The following BNC2 variants were observed in gnomAD, a reference collection of about 807,000 sequenced individuals.
The protein encoded by BNC2 is zinc finger protein basonuclin-2.
In BNC2, 20 loss-of-function variants were observed where a neutral mutation model predicts 76.3. That is an observed-to-expected ratio of 0.26 (90% CI 0.18 to 0.38). The LOEUF (loss-of-function observed/expected upper bound fraction) is 0.38. BNC2 is among the 10% of genes least tolerant of loss of function. The pLI is 1.00. For synonymous variants in BNC2, 582 were observed against 514.8 expected, an observed-to-expected ratio of 1.13 and a Z score of -1.77; for missense variants, 1,382 against 1,399.8, an observed-to-expected ratio of 0.99 and a Z score of 0.20.
At chr9:16,769,401 C>T (rs550273023) in intron 1 of BNC2, among the ~76,000 whole-genome samples, 2 of 152,272 alleles carry the variant, frequency 1.3e-5, no homozygotes, top group Non-Finnish European at 2.9e-5. Context: ...TCATTCTCTC[C>T]CATTTTACTG....
chr9:16,728,053 G>A, intron 2 of BNC2, 56 bp from the exon 3 acceptor site: 2 of 1,436,388 alleles, frequency 1.4e-6, no homozygotes, highest in Non-Finnish European at 1.9e-6. Context: ...CAGGAGTGTA[G>A]TGTAGTTAAG....
chr9:16,685,546 T>C (rs1822950465), intron 3 of BNC2: 1 of 1,303,894 alleles, frequency 7.7e-7, no homozygotes, highest in Non-Finnish European at 1.0e-6. Context: ...GACTCTAACC[T>C]GGACTTCCAG....
chr9:16,727,585 T>G, intron 3 of BNC2: 1 of 569,426 alleles, frequency 1.8e-6, no homozygotes, highest in South Asian at 2.4e-5. Flanking sequence ...TCGGTATCCT[T>G]TCCCCTTTTT....
intron 1 of BNC2, among the ~76,000 whole-genome samples, chr9:16,861,902 T>C (rs1380286167): frequency 6.6e-6 from 1 of 151,538 alleles, no homozygotes; most frequent in African/African-American, 2.4e-5. Flanking sequence ...GGCAGGAGAA[T>C]GGCGTGAACC....
chr9:16,565,024 C>A (rs1237706000), intron 4 of BNC2, among the ~76,000 whole-genome samples: 1 of 152,126 alleles, frequency 6.6e-6, no homozygotes, highest in Non-Finnish European at 1.5e-5. Context: ...GGATCAATTT[C>A]TTCTTTCTAG....
chr9:16,606,117 A>G (rs1820376309), intron 3 of BNC2, among the ~76,000 whole-genome samples: 1 of 152,210 alleles, frequency 6.6e-6, no homozygotes, highest in South Asian at 2.1e-4. Flanking sequence ...AATTTCAATT[A>G]TGAGCAACAT....
intron 4 of BNC2, among the ~76,000 whole-genome samples, chr9:16,571,726 C>CT (rs1036001243): frequency 1.4e-4 from 21 of 151,878 alleles, no homozygotes; most frequent in Admixed American, 3.9e-4. Context: ...TTAGCCTAAT[C>CT]TTTTTTTTCC....
chr9:16,641,835 C>T (rs1821499982), intron 3 of BNC2, among the ~76,000 whole-genome samples: 1 of 152,166 alleles, frequency 6.6e-6, no homozygotes, highest in African/African-American at 2.4e-5. Context: ...AGCCATCATT[C>T]CCACATGAGA....
At chr9:16,848,718 A>G (rs35066453) in intron 1 of BNC2, among the ~76,000 whole-genome samples, 18,602 of 152,214 alleles carry the variant, frequency 0.12, 1,494 homozygotes, top group South Asian at 0.28. Context: ...TTCAACTAAC[A>G]CAAGAAAAGT....
At chr9:16,624,371 T>G (rs898970391) in intron 3 of BNC2, among the ~76,000 whole-genome samples, 1 of 151,850 alleles carries the variant, frequency 6.6e-6, no homozygotes, top group Non-Finnish European at 1.5e-5. Flanking sequence ...CAACACCAGA[T>G]GTATGCACAA....
chr9:16,447,312 G>A (rs1013358366), intron 5 of BNC2, among the ~76,000 whole-genome samples: 3 of 151,788 alleles, frequency 2.0e-5, no homozygotes, highest in African/African-American at 7.3e-5. Flanking sequence ...CAACCTCAGA[G>A]GAAAATAAAA....
At chr9:16,846,434 T>C (rs148678939) in intron 1 of BNC2, among the ~76,000 whole-genome samples, 2,024 of 152,302 alleles carry the variant, frequency 0.013, 45 homozygotes, top group African/African-American at 0.046. Flanking sequence ...CTGTGGTATA[T>C]TCTTTCCCAA....
chr9:16,785,496 G>A (rs546340929), intron 1 of BNC2, among the ~76,000 whole-genome samples: 1 of 150,978 alleles, frequency 6.6e-6, no homozygotes, highest in African/African-American at 2.4e-5. Context: ...CCAGGTTCAA[G>A]CAATTCTCCT....
At chr9:16,811,268 G>A (rs560640831) in intron 1 of BNC2, among the ~76,000 whole-genome samples, 41 of 144,694 alleles carry the variant, frequency 2.8e-4, no homozygotes, top group Non-Finnish European at 5.7e-4. Context: ...AGTGTATAGG[G>A]GGCCAGGCAC....
At chr9:16,732,404 T>C (rs984122095) in intron 2 of BNC2, among the ~76,000 whole-genome samples, 2 of 152,210 alleles carry the variant, frequency 1.3e-5, no homozygotes, top group East Asian at 1.9e-4. Flanking sequence ...TTGAGTTCTA[T>C]GTAAATATAT....
At chr9:16,551,514 A>C (rs1480146911) in intron 5 of BNC2, among the ~76,000 whole-genome samples, 1 of 152,250 alleles carries the variant, frequency 6.6e-6, no homozygotes, top group Non-Finnish European at 1.5e-5. Context: ...GCACTATACA[A>C]GGCTGGCACA....
chr9:16,661,922 A>G (rs909380309), intron 3 of BNC2, among the ~76,000 whole-genome samples: 9 of 152,240 alleles, frequency 5.9e-5, no homozygotes, highest in Non-Finnish European at 1.2e-4. Context: ...ACTCCTTAGC[A>G]TCAAAGACAA....
intron 1 of BNC2, among the ~76,000 whole-genome samples, chr9:16,833,208 A>C (rs1057077084): frequency 1.3e-5 from 2 of 152,164 alleles, no homozygotes; most frequent in Non-Finnish European, 2.9e-5. Context: ...GTGACAACTG[A>C]CCTATTCATC....
intron 4 of BNC2, among the ~76,000 whole-genome samples, chr9:16,570,546 C>A (rs1478251239): frequency 6.6e-6 from 1 of 152,126 alleles, no homozygotes; most frequent in Non-Finnish European, 1.5e-5. Flanking sequence ...GATAAAAAGA[C>A]CCTATGTAAA....
Sources: gnomAD v4.1 joint callset for allele counts (sites outside exome capture counted in the v4.1 genomes callset) on GRCh38, gnomAD v4.1.1 for gene constraint, MANE v1.5 for transcripts, NCBI Gene and HGNC (gene_info 2026-07-23, HGNC 2026-07-21) for gene names.